Variants in PTPRG observed in about 807,000 individuals in gnomAD.
PTPRG encodes protein tyrosine phosphatase receptor type G.
In PTPRG, 102 loss-of-function variants were observed where a neutral mutation model predicts 165.3. The ratio of observed to expected loss-of-function variants is 0.62; its 90% CI spans 0.53 to 0.73. The LOEUF (loss-of-function observed/expected upper bound fraction) is 0.73. Ranked by LOEUF, PTPRG falls within the 30% of genes least tolerant of loss-of-function variation. The pLI is 0.00. For missense variants in PTPRG, 1,866 were observed against 1,861.4 expected, an observed-to-expected ratio of 1.00 and a Z score of -0.05; for synonymous variants, 675 against 669.5, an observed-to-expected ratio of 1.01 and a Z score of -0.13.
chr3:61,577,616 T>C (rs897981164), intron 1 of PTPRG, among the ~76,000 whole-genome samples: 1 of 152,202 alleles, frequency 6.6e-6, no homozygotes, highest in African/African-American at 2.4e-5. Context: ...CTTGTTTCCT[T>C]TTACTGTTTC....
At chr3:61,830,668 A>G (rs1188231) in intron 2 of PTPRG, among the ~76,000 whole-genome samples, 71,082 of 147,320 alleles carry the variant, frequency 0.48, 18,016 homozygotes, top group East Asian at 0.67. Context: ...TCCACCTCTC[A>G]GGTTCAAGTG....
At chr3:62,207,911 A>G (rs1249992008) in intron 12 of PTPRG, among the ~76,000 whole-genome samples, 1 of 152,226 alleles carries the variant, frequency 6.6e-6, no homozygotes, top group Non-Finnish European at 1.5e-5. Flanking sequence ...ACTTTTCTAA[A>G]GAGGGCCATC....
At chr3:61,986,829 G>C (rs886374753) in intron 2 of PTPRG, among the ~76,000 whole-genome samples, 1 of 152,166 alleles carries the variant, frequency 6.6e-6, no homozygotes, top group Non-Finnish European at 1.5e-5. Flanking sequence ...TTTTAGATGG[G>C]TAATATCATG....
chr3:61,943,832 G>C (rs565859955), intron 2 of PTPRG, among the ~76,000 whole-genome samples: 2 of 152,140 alleles, frequency 1.3e-5, no homozygotes, highest in Non-Finnish European at 2.9e-5. Context: ...TTGGATAACT[G>C]CTGCTTAACT....
At chr3:62,132,770 T>C (rs886223781) in intron 6 of PTPRG, 102 bp downstream of exon 6, 3 of 1,045,492 alleles carry the variant, frequency 2.9e-6, no homozygotes, top group Admixed American at 1.7e-5. Context: ...GTGACACCTA[T>C]TCCTCATCCC....
intron 15 of PTPRG, among the ~76,000 whole-genome samples, chr3:62,246,746 A>G (rs1701297044): frequency 1.3e-5 from 2 of 152,166 alleles, no homozygotes; most frequent in Non-Finnish European, 2.9e-5. Context: ...TACGAGATTT[A>G]TAGAGCTCCT....
chr3:62,187,601 G>A (rs528891307), intron 8 of PTPRG, among the ~76,000 whole-genome samples: 234 of 152,286 alleles, frequency 1.5e-3, no homozygotes, highest in African/African-American at 5.4e-3. Flanking sequence ...TAGTGGTTAC[G>A]AGAGACCATG....
chr3:61,785,347 T>G (rs1323704756), intron 2 of PTPRG, among the ~76,000 whole-genome samples: 1 of 152,182 alleles, frequency 6.6e-6, no homozygotes, highest in African/African-American at 2.4e-5. Context: ...GAAAACTGTT[T>G]GGTTTGAAAA....
intron 5 of PTPRG, among the ~76,000 whole-genome samples, chr3:62,093,920 A>G (rs1281718960): frequency 6.6e-6 from 1 of 152,204 alleles, no homozygotes; most frequent in Non-Finnish European, 1.5e-5. Flanking sequence ...ACAAATTACT[A>G]CATCTGGTGA....
rs1347214138 is a variant in PTPRG, at chr3:62,282,822, C to G, written c.4008C>G (p.Ile1336Met). The part of the protein sequence containing the change: ...ISSTFELINV[I>M]KEEALTRDGP... ...GTACCTTTGAACTTATCAACGTCAT[C>G]AAGGAAGAGGCCTTAACAAGGGATG... Residue 1336 changes from isoleucine (I) to methionine (M), a missense_variant, in exon 28 of 30, where the codon ATC becomes ATG. This residue lies in a region of PTPRG where 1,452 missense variants were observed against 1,463.0 expected (regional missense o/e 0.99). Transcript: ENST00000474889. 2.5e-6 allele frequency: 4 copies of G among 1,611,562 alleles called. No homozygotes were observed. In the Admixed American group the frequency reaches 5.0e-5, roughly 20 times the overall value.
At chr3:61,821,943 A>G (rs2035969978) in intron 2 of PTPRG, among the ~76,000 whole-genome samples, 1 of 152,254 alleles carries the variant, frequency 6.6e-6, no homozygotes, top group Non-Finnish European at 1.5e-5. Context: ...AAGTGCGTGC[A>G]GAAGCATAAG....
chr3:61,759,036 T>C (rs1163111655), intron 2 of PTPRG, among the ~76,000 whole-genome samples: 1 of 152,216 alleles, frequency 6.6e-6, no homozygotes, highest in Non-Finnish European at 1.5e-5. Context: ...GTTCTTTGAG[T>C]GTAAAGTGGT....
chr3:61,984,762 T>G (rs1165406544), intron 2 of PTPRG, among the ~76,000 whole-genome samples: 1 of 152,228 alleles, frequency 6.6e-6, no homozygotes, highest in Non-Finnish European at 1.5e-5. Context: ...CCATTCAATC[T>G]AGAGCACCAC....
At position 62,243,868 on chromosome 3, in the gene PTPRG, A is replaced by G. The variant is rs777357131; in HGVS notation, c.2437A>G (p.Asn813Asp). ...EDSSSPRVVP[N>D]ESIPIIPIPD... ...CAGCAGTTCACCTCGAGTGGTCCCT[A>G]ATGAAAGTATCCCTATTATTCCTAT... Residue 813 changes from asparagine (N) to aspartate (D), a missense_variant, in exon 15 of 30, where the codon AAT becomes GAT. By Grantham distance (23) the Asn-to-Asp change is conservative. Coordinates refer to ENST00000474889, the MANE Select transcript of PTPRG (RefSeq NM_002841.4). 2.8e-5 allele frequency: 44 copies of G among 1,581,388 alleles called. No individual in the cohort carries two copies. Among genetic ancestry groups the G allele is most frequent in the Non-Finnish European group, 3.7e-5 (43 of 1,151,020 alleles).
chr3:62,125,299 T>C (rs1703247376), intron 5 of PTPRG, among the ~76,000 whole-genome samples: 1 of 152,220 alleles, frequency 6.6e-6, no homozygotes, highest in Admixed American at 6.5e-5. Flanking sequence ...TGATCCAATG[T>C]GCCTTGTCTC....
At chr3:62,282,586 C>A in intron 27 of PTPRG, 141 bp from the exon 28 acceptor site, 1 of 740,068 alleles carries the variant, frequency 1.4e-6, no homozygotes. Context: ...TATTTTTCTT[C>A]TTTCCAGCTG....
At chr3:61,926,594 TC>T (rs2039217270) in intron 2 of PTPRG, among the ~76,000 whole-genome samples, 1 of 35,944 alleles carries the variant, frequency 2.8e-5, no homozygotes, top group African/African-American at 9.5e-5. Flanking sequence ...CCTCCCTCCC[TC>T]CCTCCCTCCC....
chr3:61,752,450 C>G (rs908996948), intron 2 of PTPRG, among the ~76,000 whole-genome samples: 7 of 151,930 alleles, frequency 4.6e-5, no homozygotes, highest in Non-Finnish European at 1.0e-4. Flanking sequence ...TATTAAATAT[C>G]TAGTAATGGT....
intron 15 of PTPRG, among the ~76,000 whole-genome samples, chr3:62,248,361 A>G (rs1305235669): frequency 1.3e-5 from 2 of 152,154 alleles, no homozygotes; most frequent in Non-Finnish European, 2.9e-5. Flanking sequence ...GTTTTTCAAA[A>G]GAAAATGTTC....
Sources: allele counts gnomAD v4.1 joint callset (sites outside exome capture counted in the v4.1 genomes callset), GRCh38; gene constraint gnomAD v4.1.1; regional missense constraint gnomAD v4.1.1; transcripts MANE v1.5; gene names NCBI Gene and HGNC (gene_info 2026-07-23, HGNC 2026-07-21).